Variants in ARMC2 observed in about 807,000 individuals in gnomAD.
ARMC2 encodes armadillo repeat containing 2.
Under a neutral mutation model 90.3 loss-of-function variants are expected in ARMC2, and 67 were observed. The observed-to-expected ratio is 0.74, with a 90% CI of 0.61 to 0.91. The LOEUF (loss-of-function observed/expected upper bound fraction) is 0.91, where lower values mean the gene tolerates loss of function less well. ARMC2 is among the 40% of genes least tolerant of loss of function. ARMC2 has a pLI of 0.00. For synonymous variants in ARMC2, 393 were observed against 393.0 expected (o/e 1.00, Z 0.00); for missense variants, 920 against 1,030.9 (o/e 0.89, Z 1.47).
At chr6:109,014,202 C>T in the ARMC2 span, among the ~76,000 whole-genome samples, 1 of 151,960 alleles carries the variant, frequency 6.6e-6, no homozygotes, top group African/African-American at 2.4e-5. Context: ...CAAGAAGTGT[C>T]AGTGGTTTTA....
At chr6:108,944,739 C>G (rs527458957) in intron 12 of ARMC2, among the ~76,000 whole-genome samples, 1 of 152,184 alleles carries the variant, frequency 6.6e-6, no homozygotes, top group Admixed American at 6.5e-5. Context: ...TTTACACCCC[C>G]TCTGTTTGCA....
chr6:108,987,425 C>T, the ARMC2 span: 2 of 577,402 alleles, frequency 3.5e-6, no homozygotes, highest in Non-Finnish European at 6.1e-6. Flanking sequence ...CTAAAGGAAT[C>T]ATGGCACAAT....
chr6:109,005,130 T>A, the ARMC2 span, among the ~76,000 whole-genome samples: 1 of 152,240 alleles, frequency 6.6e-6, no homozygotes, highest in African/African-American at 2.4e-5. Flanking sequence ...GGATAACCAC[T>A]GCAACATTGT....
the ARMC2 span, chr6:109,008,708 G>T: frequency 1.1e-6 from 1 of 895,782 alleles, no homozygotes; most frequent in Non-Finnish European, 1.3e-6. Context: ...TTTCCTATTT[G>T]CAACCACTTA....
intron 1 of ARMC2, among the ~76,000 whole-genome samples, chr6:108,851,993 A>G (rs1200391953): frequency 6.6e-6 from 1 of 152,204 alleles, no homozygotes; most frequent in Non-Finnish European, 1.5e-5. Flanking sequence ...AGGGCTTTGC[A>G]CATAGGAAAC....
At chr6:108,855,692 G>A (rs1371048288) in intron 2 of ARMC2, among the ~76,000 whole-genome samples, 14 of 152,204 alleles carry the variant, frequency 9.2e-5, no homozygotes, top group Admixed American at 8.5e-4. Context: ...CAATGAATGA[G>A]AGATCCTGTT....
the ARMC2 span, among the ~76,000 whole-genome samples, chr6:109,002,122 T>C: frequency 6.6e-6 from 1 of 152,230 alleles, no homozygotes; most frequent in African/African-American, 2.4e-5. Context: ...AACAGCTTTT[T>C]ATTCCCACAG....
At chr6:108,968,493 C>T (rs79502963) in intron 17 of ARMC2, among the ~76,000 whole-genome samples, 4 of 152,208 alleles carry the variant, frequency 2.6e-5, no homozygotes, top group Non-Finnish European at 5.9e-5. Flanking sequence ...CTCCTCTTCA[C>T]GAACCATGGG....
At chr6:108,856,978 A>G (rs141369543) in intron 2 of ARMC2, among the ~76,000 whole-genome samples, 1 of 152,252 alleles carries the variant, frequency 6.6e-6, no homozygotes, top group Non-Finnish European at 1.5e-5. Flanking sequence ...TAGCTTTATA[A>G]TATGTCTTAA....
chr6:108,862,700 A>G (rs1412291373), intron 3 of ARMC2, among the ~76,000 whole-genome samples: 8 of 152,002 alleles, frequency 5.3e-5, no homozygotes, highest in South Asian at 2.1e-4. Context: ...AGAGAGAGGG[A>G]GAGAGAGTGG....
At chr6:108,885,750 G>A (rs1223042336) in intron 5 of ARMC2, among the ~76,000 whole-genome samples, 1 of 152,174 alleles carries the variant, frequency 6.6e-6, no homozygotes, top group African/African-American at 2.4e-5. Context: ...TTTAGGCTAT[G>A]AAACATGCTG....
Position 108,903,774 on chromosome 6 carries a change from A to G in ARMC2, c.848-456A>G, listed in dbSNP as rs548888013. Among the ~76,000 whole-genome samples, 4 of 152,334 alleles carry G rather than the reference A, an allele frequency of 2.6e-5. No individual in the cohort carries two copies. In the South Asian group the frequency reaches 8.3e-4, roughly 32 times the overall value. ...ATCTTTTCTGAAGCAGCTACAACAT[A>G]AACAGAGCCTCGAAGGACCAAAAAC... On this transcript the variant is annotated intron_variant, in intron 7 of 17. Transcript: ENST00000392644.
intron 1 of ARMC2, among the ~76,000 whole-genome samples, chr6:108,853,883 T>G (rs998809379): frequency 2.0e-5 from 3 of 152,138 alleles, no homozygotes; most frequent in African/African-American, 7.2e-5. Flanking sequence ...AAGGAAACTG[T>G]AAACATTTTA....
chr6:109,044,638 T>C, the ARMC2 span, among the ~76,000 whole-genome samples: 1 of 152,184 alleles, frequency 6.6e-6, no homozygotes, highest in African/African-American at 2.4e-5. Context: ...ATCTCAGTCC[T>C]TTCTCCTGAA....
chr6:108,928,310 G>C, intron 11 of ARMC2, 77 bp downstream of exon 11: 2 of 1,331,724 alleles, frequency 1.5e-6, no homozygotes, highest in South Asian at 2.2e-5. Context: ...ATATTTGCTT[G>C]TGTGACTGGC....
intron 13 of ARMC2, among the ~76,000 whole-genome samples, chr6:108,960,211 G>A (rs1039586990): frequency 6.7e-6 from 1 of 149,454 alleles, no homozygotes; most frequent in African/African-American, 2.6e-5. Context: ...GTGCACCGGC[G>A]GGGGACACCC....
rs41287540 is a variant in ARMC2 at position 108,953,215 on chromosome 6, G to T, written c.1779G>T (p.Ala593=). The change falls in exon 13 of 18, where the codon GCG becomes GCT. Residue 593 remains alanine, a synonymous_variant. Transcript: ENST00000392644. ...PVGQRGEQHR[A]QRPPSEAEDV... is the part of the protein sequence containing the mutation. ...GCCAACGAGGCGAGCAGCACAGGGC[G>T]CAGAGGCCGCCGTCAGAGGCAGAGG... 1 of 1,613,950 alleles carries T rather than the reference G, an allele frequency of 6.2e-7. No homozygotes were observed. The highest frequency in any genetic ancestry group is 1.7e-5 in the Admixed American group (1 of 60,034).
chr6:108,898,430 T>C (rs1771815310), intron 6 of ARMC2, among the ~76,000 whole-genome samples: 1 of 152,196 alleles, frequency 6.6e-6, no homozygotes, highest in South Asian at 2.1e-4. Context: ...ACTCCCTGAC[T>C]TGATGTAGAC....
the ARMC2 span, chr6:109,000,358 T>G: frequency 1.8e-6 from 1 of 563,966 alleles, no homozygotes; most frequent in Non-Finnish European, 2.9e-6. Context: ...GAAGAAAATG[T>G]GCATCTGTGG....
Sources: allele counts gnomAD v4.1 joint callset (sites outside exome capture counted in the v4.1 genomes callset), GRCh38; gene constraint gnomAD v4.1.1; transcripts MANE v1.5; gene names NCBI Gene and HGNC (gene_info 2026-07-23, HGNC 2026-07-21).